Variants in MACROD2 observed in about 807,000 individuals in gnomAD.
The protein encoded by MACROD2 is mono-ADP ribosylhydrolase 2, also known as ADP-ribose glycohydrolase MACROD2.
A neutral mutation model predicts 70.4 loss-of-function variants in MACROD2; 36 were observed. The observed-to-expected ratio is 0.51, with a 90% CI of 0.39 to 0.68. MACROD2 has a LOEUF of 0.68. MACROD2 is among the 30% of genes least tolerant of loss of function. The pLI, the probability that MACROD2 is intolerant of heterozygous loss-of-function variation, is 0.00. For synonymous variants in MACROD2, 172 were observed against 178.8 expected, an observed-to-expected ratio of 0.96 and a Z score of 0.30; for missense variants, 496 against 538.4, an observed-to-expected ratio of 0.92 and a Z score of 0.78.
chr20:14,196,805 G>T (rs1452885688), intron 3 of MACROD2, among the ~76,000 whole-genome samples: 1 of 152,204 alleles, frequency 6.6e-6, no homozygotes, highest in Non-Finnish European at 1.5e-5. Context: ...AAATATGGTT[G>T]CTGACAGCTC....
chr20:14,742,394 A>G (rs2071743460), intron 5 of MACROD2, among the ~76,000 whole-genome samples: 1 of 152,172 alleles, frequency 6.6e-6, no homozygotes, highest in East Asian at 1.9e-4. Flanking sequence ...ATTTTTCCAT[A>G]GTTGTATTTG....
chr20:15,519,873 T>C (rs1195995571), intron 8 of MACROD2, among the ~76,000 whole-genome samples: 2 of 152,150 alleles, frequency 1.3e-5, no homozygotes. Flanking sequence ...CAAAATGAGG[T>C]TGCTCTCCCC....
In MACROD2 at chr20:14,479,530, T is replaced by C. The variant is rs2084638127; in HGVS notation, c.272-13949T>C. Among the ~76,000 whole-genome samples, 4 of 152,182 alleles carry C rather than the reference T, an allele frequency of 2.6e-5. No individual in the cohort carries two copies. In the South Asian group the frequency reaches 8.3e-4, roughly 31 times the overall value. Reference sequence around the variant, plus strand: ...TTCCTTTTGGTGGGAGGTTGTAAGATGCCCTGCAACTATGCTGTTCCTCCA... The same window carrying C: ...TTCCTTTTGGTGGGAGGTTGTAAGACGCCCTGCAACTATGCTGTTCCTCCA... On this transcript the variant is annotated intron_variant, in intron 3 of 17. Coordinates refer to ENST00000684519, the MANE Select transcript of MACROD2 (RefSeq NM_001351661.2).
chr20:15,988,961 G>A (rs1212896102), intron 15 of MACROD2, among the ~76,000 whole-genome samples: 1 of 152,114 alleles, frequency 6.6e-6, no homozygotes, highest in East Asian at 1.9e-4. Flanking sequence ...CTCTGCAGTA[G>A]CTCTGCTCCA....
At chr20:15,026,674 A>G (rs1417917038) in intron 5 of MACROD2, among the ~76,000 whole-genome samples, 1 of 152,044 alleles carries the variant, frequency 6.6e-6, no homozygotes, top group African/African-American at 2.4e-5. Flanking sequence ...TATTATTATT[A>G]TCATTTCTAA....
At chr20:14,073,515 TACTC>T (rs1294675382) in intron 2 of MACROD2, among the ~76,000 whole-genome samples, 4 of 152,168 alleles carry the variant, frequency 2.6e-5, no homozygotes, top group South Asian at 2.1e-4. Context: ...CTCAAGATAA[TACTC>T]AGTTGTATTC....
At chr20:14,333,770 A>C (rs1182328484) in intron 3 of MACROD2, among the ~76,000 whole-genome samples, 3 of 152,192 alleles carry the variant, frequency 2.0e-5, no homozygotes, top group Non-Finnish European at 4.4e-5. Context: ...TGAAATCATA[A>C]AATACATTGT....
At chr20:15,540,761 G>A (rs1211511759) in intron 8 of MACROD2, among the ~76,000 whole-genome samples, 1 of 152,166 alleles carries the variant, frequency 6.6e-6, no homozygotes, top group Admixed American at 6.5e-5. Context: ...AATAGAGTCG[G>A]TTCCATCACT....
At chr20:14,384,437 G>A (rs745788313) in intron 3 of MACROD2, among the ~76,000 whole-genome samples, 1 of 151,622 alleles carries the variant, frequency 6.6e-6, no homozygotes, top group Non-Finnish European at 1.5e-5. Context: ...CTAAAGTTGT[G>A]TTAAGATAAA....
chr20:14,738,334 T>C (rs1394071728), intron 5 of MACROD2, among the ~76,000 whole-genome samples: 2 of 152,106 alleles, frequency 1.3e-5, no homozygotes, highest in East Asian at 1.9e-4. Flanking sequence ...TTTGGTGATA[T>C]AAAAAAGCTG....
In MACROD2 at chr20:16,052,054, A is replaced by G. The variant is rs1397138680; in HGVS notation, c.*2178A>G. ...TCTCTCTGCCTAAAAATTCTAGAAG[A>G]ATGAAAGTAATCTTTGTATCCAGGA... On this transcript the variant is annotated 3_prime_UTR_variant, in exon 18 of 18. Coordinates refer to ENST00000684519, the MANE Select transcript of MACROD2 (RefSeq NM_001351661.2). 3 of 152,216 alleles carry G rather than the reference A, an allele frequency of 2.0e-5. No individual in the cohort carries two copies. The highest frequency in any genetic ancestry group is 2.9e-5 in the Non-Finnish European group (2 of 68,036). 9.4% of individuals were successfully genotyped at this position (152,216 alleles called of 1,614,324 possible). A position where few individuals can be genotyped will look rare whatever the true frequency, so the allele number is the denominator to read the frequency against.
chr20:15,019,880 C>A (rs2075151078), intron 5 of MACROD2, among the ~76,000 whole-genome samples: 1 of 151,956 alleles, frequency 6.6e-6, no homozygotes, highest in African/African-American at 2.4e-5. Flanking sequence ...TTTTTACGAA[C>A]ATTTTATTGA....
rs71340214 is a variant in MACROD2 at position 15,301,591 on chromosome 20, C to CTTTTTTTTTT, written c.540+71544_540+71553dup. On this transcript the variant is annotated intron_variant, in intron 6 of 17. Transcript: ENST00000684519. ...GGAAGTTAGTAAGATGGTAGGTGGCCTTTTTTTTTTTTTTTTTTTTTTTGT... is the reference window on the plus strand; with the variant it reads ...GGAAGTTAGTAAGATGGTAGGTGGCCTTTTTTTTTTTTTTTTTTTTTTTTTTTTTTTTTGT... 8.6e-3 allele frequency among the ~76,000 whole-genome samples: 695 copies of CTTTTTTTTTT among 81,238 alleles called. 74 individuals are homozygous for CTTTTTTTTTT. Among genetic ancestry groups the CTTTTTTTTTT allele is most frequent in the South Asian group, 0.02 (40 of 1,984 alleles). 53.3% of individuals were successfully genotyped at this position (81,238 alleles called of 152,430 possible).
intron 8 of MACROD2, among the ~76,000 whole-genome samples, chr20:15,604,829 G>A (rs1483267540): frequency 2.0e-5 from 3 of 152,122 alleles, no homozygotes; most frequent in Non-Finnish European, 4.4e-5. Flanking sequence ...GCATATTTCT[G>A]TTATAAATCT....
At chr20:14,402,334 G>T (rs140098851) in intron 3 of MACROD2, among the ~76,000 whole-genome samples, 11 of 152,280 alleles carry the variant, frequency 7.2e-5, no homozygotes, top group Admixed American at 2.6e-4. Flanking sequence ...GTACCCAAGA[G>T]AATTGTATTT....
At chr20:14,064,733 A>G (rs1363379846) in intron 2 of MACROD2, among the ~76,000 whole-genome samples, 1 of 152,090 alleles carries the variant, frequency 6.6e-6, no homozygotes, top group African/African-American at 2.4e-5. Context: ...TGGGTCAGTG[A>G]TTTTCTTCTA....
chr20:14,617,061 A>G (rs73899216), intron 4 of MACROD2, among the ~76,000 whole-genome samples: 7,304 of 152,154 alleles, frequency 0.048, 604 homozygotes, highest in African/African-American at 0.17. Flanking sequence ...GGATAAATCA[A>G]ATTTGTTGGA....
chr20:14,883,325 A>G (rs898127818), intron 5 of MACROD2, among the ~76,000 whole-genome samples: 2 of 152,170 alleles, frequency 1.3e-5, no homozygotes, highest in African/African-American at 4.8e-5. Flanking sequence ...TATGTCTACA[A>G]TGTGGGTGTA....
Position 15,937,918 on chromosome 20 carries a change from G to A in MACROD2, c.907+374G>A, listed in dbSNP as rs1055298968. Among the ~76,000 whole-genome samples, 16 of 151,918 alleles carry A rather than the reference G, an allele frequency of 1.1e-4. No individual in the cohort carries two copies. The East Asian group carries it at 1.9e-3, about 18-fold the overall frequency. ...CATCAGGAAAAGGTTTGAAAGAGTG[G>A]CATTTGAGGACCACCAACCAGGGAG... On this transcript the variant is annotated intron_variant, in intron 12 of 17. Coordinates refer to ENST00000684519, the MANE Select transcript of MACROD2 (RefSeq NM_001351661.2).
Sources: allele counts gnomAD v4.1 joint callset (sites outside exome capture counted in the v4.1 genomes callset), GRCh38; gene constraint gnomAD v4.1.1; transcripts MANE v1.5; gene names NCBI Gene and HGNC (gene_info 2026-07-23, HGNC 2026-07-21).